Variants in SMC1B observed in about 807,000 individuals in gnomAD.
The protein encoded by SMC1B is structural maintenance of chromosomes protein 1B.
SMC1B carries 60 observed loss-of-function variants against 157.9 expected under a neutral mutation model. That is an observed-to-expected ratio of 0.38 (90% CI 0.31 to 0.47). The LOEUF is 0.47. SMC1B is among the 20% of genes least tolerant of loss of function. SMC1B has a pLI of 0.99. For missense variants in SMC1B, 1,165 were observed against 1,426.2 expected, an observed-to-expected ratio of 0.82 and a Z score of 2.95; for synonymous variants, 445 against 483.0, an observed-to-expected ratio of 0.92 and a Z score of 1.03.
rs565312339 is a variant in SMC1B at position 45,401,191 on chromosome 22, T to C, written c.854+1142A>G. ...TATTAATAATAGGAGAAACTGAGTGTTGGGAATATGGGACTGATACAGGGG... is the reference window on the plus strand; with the variant it reads ...TATTAATAATAGGAGAAACTGAGTGCTGGGAATATGGGACTGATACAGGGG... On this transcript the variant is annotated intron_variant, in intron 5 of 24. Coordinates refer to ENST00000357450, the MANE Select transcript of SMC1B (RefSeq NM_148674.5). Among the ~76,000 whole-genome samples, 3 of 152,328 alleles carry C rather than the reference T, an allele frequency of 2.0e-5. No homozygotes were observed. In the East Asian group the frequency reaches 5.8e-4, roughly 29 times the overall value.
intron 12 of SMC1B, among the ~76,000 whole-genome samples, chr22:45,374,306 A>C (rs1383812159): frequency 2.0e-5 from 3 of 152,110 alleles, no homozygotes; most frequent in Admixed American, 1.3e-4. Context: ...AAAAACTTTT[A>C]GATGATCAAG....
rs1353113956 is a variant in SMC1B at position 45,393,791 on chromosome 22, A to G, written c.1388T>C (p.Ile463Thr). ...KQQEETLVDE[I>T]EKTKSRMSEV... is the part of the protein sequence containing the mutation. ...AGACATTCTTGATTTTGTTTTTTCA[A>G]TTTCATCCACTAGGGTTTCCTCTTG... The change falls in exon 9 of 25, where the codon ATT becomes ACT. Residue 463 changes from isoleucine (I) to threonine (T), a missense_variant. Transcript: ENST00000357450. The G allele has an allele frequency of 4.3e-6, 7 of 1,613,432 alleles. No homozygotes were observed. Among genetic ancestry groups the G allele is most frequent in the African/African-American group, 2.7e-5 (2 of 74,896 alleles).
At position 45,361,952 on chromosome 22, in the gene SMC1B, T is replaced by C. The variant is rs370949506; in HGVS notation, c.2595A>G (p.Glu865=). 2 of 1,614,006 alleles carry C rather than the reference T, an allele frequency of 1.2e-6. No homozygotes were observed. The highest frequency in any genetic ancestry group is 2.7e-5 in the African/African-American group (2 of 74,996). ...TAAGTTGCTGCTGCTTTGCCATGAGTTCATTCACTGTCTGCAGACAGTTTT... is the reference window on the plus strand; with the variant it reads ...TAAGTTGCTGCTGCTTTGCCATGAGCTCATTCACTGTCTGCAGACAGTTTT... ...AEENCLQTVN[E]LMAKQQQLKD... Residue 865 remains glutamate (E), a synonymous_variant, in exon 17 of 25, where the codon GAA becomes GAG. Transcript: ENST00000357450.
chr22:45,398,406 G>A (rs1042302107), intron 6 of SMC1B, among the ~76,000 whole-genome samples: 4 of 152,166 alleles, frequency 2.6e-5, no homozygotes, highest in African/African-American at 7.2e-5. Flanking sequence ...TGTGGGATTC[G>A]CGCCAGAGTG....
chr22:45,397,831 C>T (rs58764552), intron 6 of SMC1B, among the ~76,000 whole-genome samples: 2,896 of 152,112 alleles, frequency 0.019, 110 homozygotes, highest in African/African-American at 0.066. Flanking sequence ...CTCTTGCATC[C>T]CCTCTCTGCT....
intron 23 of SMC1B, among the ~76,000 whole-genome samples, chr22:45,348,405 A>G (rs919490035): frequency 3.3e-5 from 5 of 152,220 alleles, no homozygotes; most frequent in African/African-American, 1.2e-4. Flanking sequence ...CACAAAAATT[A>G]GCCAGTCTCA....
chr22:45,368,652 G>T (rs2086799091), intron 15 of SMC1B, among the ~76,000 whole-genome samples: 1 of 151,940 alleles, frequency 6.6e-6, no homozygotes, highest in Non-Finnish European at 1.5e-5. Flanking sequence ...AAGGAGCTGG[G>T]ATTACAGGCA....
intron 4 of SMC1B, among the ~76,000 whole-genome samples, chr22:45,403,310 A>T (rs2087217933): frequency 6.6e-6 from 1 of 152,254 alleles, no homozygotes; most frequent in Non-Finnish European, 1.5e-5. Context: ...AGAAAACATG[A>T]AGACACAGAG....
At chr22:45,346,901 G>A (rs532671065) in intron 23 of SMC1B, among the ~76,000 whole-genome samples, 1 of 152,304 alleles carries the variant, frequency 6.6e-6, no homozygotes, top group African/African-American at 2.4e-5. Flanking sequence ...CATCTCAAAA[G>A]GGATAATGCA....
chr22:45,407,534 T>G (rs2087276583), intron 2 of SMC1B, among the ~76,000 whole-genome samples: 1 of 151,980 alleles, frequency 6.6e-6, no homozygotes, highest in African/African-American at 2.4e-5. Context: ...CAATCTTGGC[T>G]CACTGTATCC....
intron 12 of SMC1B, among the ~76,000 whole-genome samples, chr22:45,376,305 A>C (rs748976138): frequency 3.3e-4 from 50 of 152,092 alleles, no homozygotes; most frequent in Admixed American, 5.2e-4. Flanking sequence ...ACCTCATGTT[A>C]GTGGAATCAG....
intron 12 of SMC1B, among the ~76,000 whole-genome samples, chr22:45,377,766 G>A (rs2086897362): frequency 1.3e-5 from 2 of 152,006 alleles, no homozygotes; most frequent in East Asian, 1.9e-4. Context: ...GAACTCCTGG[G>A]CTCAAGTGAT....
At chr22:45,393,230 G>A (rs1245844739) in intron 9 of SMC1B, among the ~76,000 whole-genome samples, 1 of 152,088 alleles carries the variant, frequency 6.6e-6, no homozygotes, top group Non-Finnish European at 1.5e-5. Context: ...CATACTTACA[G>A]AATAAAAATA....
At chr22:45,362,190 T>C (rs1427333370) in intron 16 of SMC1B, among the ~76,000 whole-genome samples, 2 of 152,214 alleles carry the variant, frequency 1.3e-5, no homozygotes, top group Non-Finnish European at 2.9e-5. Flanking sequence ...CTTCATTTTG[T>C]TTTTGTTTTT....
At chr22:45,397,519 A>C (rs897897733) in intron 6 of SMC1B, among the ~76,000 whole-genome samples, 1 of 152,196 alleles carries the variant, frequency 6.6e-6, no homozygotes, top group Non-Finnish European at 1.5e-5. Context: ...CTTCAAGCCA[A>C]AGACAGTTTA....
intron 1 of SMC1B, among the ~76,000 whole-genome samples, chr22:45,409,613 A>T (rs566388385): frequency 1.3e-3 from 179 of 133,802 alleles, no homozygotes; most frequent in South Asian, 5.0e-3. Flanking sequence ...AATAAATAAA[A>T]ACAAGAGAAG....
At position 45,396,335 on chromosome 22, in the gene SMC1B, A is replaced by G. The variant is rs1412302910; in HGVS notation, c.1254+11T>C. 1.5e-5 allele frequency: 24 copies of G among 1,607,328 alleles called. No individual in the cohort carries two copies. Among genetic ancestry groups the G allele is most frequent in the Non-Finnish European group, 2.0e-5 (24 of 1,177,098 alleles). On this transcript the variant is annotated intron_variant, in intron 7 of 24. Coordinates refer to ENST00000357450, the MANE Select transcript of SMC1B (RefSeq NM_148674.5). ...AATGATTCTAAATCATTACTGTACA[A>G]CCCAAGACACCTGAACTTCTCCATG...
intron 15 of SMC1B, among the ~76,000 whole-genome samples, chr22:45,365,823 AAATT>A (rs1203691651): frequency 6.6e-6 from 1 of 152,202 alleles, no homozygotes; most frequent in African/African-American, 2.4e-5. Context: ...AATTATCTAG[AAATT>A]AATAAGAAAA....
intron 16 of SMC1B, among the ~76,000 whole-genome samples, chr22:45,362,332 A>G (rs1365104985): frequency 2.0e-5 from 3 of 152,084 alleles, no homozygotes; most frequent in Non-Finnish European, 2.9e-5. Flanking sequence ...AGCCTTGATC[A>G]TTTCCTCCTT....
Sources: allele counts gnomAD v4.1 joint callset (sites outside exome capture counted in the v4.1 genomes callset), GRCh38; gene constraint gnomAD v4.1.1; transcripts MANE v1.5; gene names NCBI Gene and HGNC (gene_info 2026-07-23, HGNC 2026-07-21).